S100A7A: variants seen among roughly 807,000 people sequenced by gnomAD.
S100A7A encodes protein S100-A7A.
Under a neutral mutation model 4.0 loss-of-function variants are expected in S100A7A, and 5 were observed. The observed-to-expected ratio is 1.26, with a 90% CI of 0.66 to 2.66. The LOEUF (loss-of-function observed/expected upper bound fraction) is 2.66. S100A7A is among the 30% of genes most tolerant of loss of function. The pLI is 0.01. For synonymous variants in S100A7A, 52 were observed against 46.4 expected (o/e 1.12, Z -0.49); for missense variants, 159 against 125.1 (o/e 1.27, Z -1.29).
chr1:153,423,047 C>T lies in S100A7A; in HGVS notation c.*3738C>T, dbSNP rs1336945647. ...TTTTTAACTAAGTGTGAGATAATAT[C>T]TTATTGTTTTTGTAACTTGCATTTT... On this transcript the variant is annotated 3_prime_UTR_variant, in exon 3 of 3. Coordinates refer to ENST00000368729, the MANE Select transcript of S100A7A (RefSeq NM_176823.4). 6.6e-6 allele frequency: 1 copy of T among 151,954 alleles called. No individual in the cohort carries two copies. Among genetic ancestry groups the T allele is most frequent in the African/African-American group, 2.4e-5 (1 of 41,380 alleles). The allele number at this position is 151,954 out of a possible 1,614,324, so 9.4% of individuals were successfully genotyped here.
chr1:153,417,482 G>A (rs1468951840), intron 1 of S100A7A, among the ~76,000 whole-genome samples: 15 of 152,240 alleles, frequency 9.9e-5, no homozygotes, highest in African/African-American at 2.6e-4. Flanking sequence ...CCCTGTCCTC[G>A]GGAGAGGGCT....
At position 153,419,594 on chromosome 1, in the gene S100A7A, A is replaced by G. The variant is rs1205714772; in HGVS notation, c.*285A>G. On this transcript the variant is annotated 3_prime_UTR_variant, in exon 3 of 3. Transcript: ENST00000368729. ...GTTCCCTAAATGCAGCCACCTTGGC[A>G]GGTTCCAGGTGGAAGTTGGTAGAAG... is the stretch of plus-strand genomic sequence containing the variant. The G allele has an allele frequency of 4.8e-6, 2 of 417,716 alleles. No homozygotes were observed. Among genetic ancestry groups the G allele is most frequent in the Non-Finnish European group, 8.6e-6 (2 of 233,582 alleles). 25.9% of individuals were successfully genotyped at this position (417,716 alleles called of 1,614,324 possible).
In S100A7A at chr1:153,419,028, G is replaced by A. The variant is rs12063379; in HGVS notation, c.142-117G>A. ...ACTCACCCTGTGCTCTCAGCCCCAC[G>A]ACCATGCCTGTGCAGATCTAGGTAC... On this transcript the variant is annotated intron_variant, in intron 2 of 2. Transcript: ENST00000368729. The A allele has an allele frequency of 1.9e-5, 21 of 1,110,394 alleles. No individual in the cohort carries two copies. In the Middle Eastern group the frequency reaches 6.2e-4, roughly 33 times the overall value. 68.8% of individuals were successfully genotyped at this position (1,110,394 alleles called of 1,614,324 possible).
rs577608718 is a variant in S100A7A at position 153,418,013 on chromosome 1, T to A, written c.-17-53T>A. On this transcript the variant is annotated intron_variant, in intron 1 of 2. Transcript: ENST00000368729. ...CAGCCCTCCTTCTAACACCCCCACA[T>A]AGAGACCTTAATTCAAACTAAGGTA... 145 of 1,600,500 alleles carry A rather than the reference T, an allele frequency of 9.1e-5. No homozygotes were observed. The South Asian group carries it at 1.5e-3, about 16-fold the overall frequency.
At position 153,422,763 on chromosome 1, in the gene S100A7A, G is replaced by A. The variant is rs192436769; in HGVS notation, c.*3454G>A. ...TCTTATGTTCCCCCACATGCAGGTG[G>A]TTTTTCAGTAGGCTCCTGAAGAGTG... On this transcript the variant is annotated 3_prime_UTR_variant, in exon 3 of 3. Coordinates refer to ENST00000368729, the MANE Select transcript of S100A7A (RefSeq NM_176823.4). The A allele has an allele frequency of 6.6e-6, 1 of 152,576 alleles. No homozygotes were observed. The highest frequency in any genetic ancestry group is 1.5e-5 in the Non-Finnish European group (1 of 68,314). The allele number at this position is 152,576 out of a possible 1,614,324, so 9.5% of individuals were successfully genotyped here. A position where few individuals can be genotyped will look rare whatever the true frequency, so the allele number is the denominator to read the frequency against.
At chr1:153,418,787 G>A (rs996367382) in intron 2 of S100A7A, among the ~76,000 whole-genome samples, 5 of 152,136 alleles carry the variant, frequency 3.3e-5, no homozygotes, top group African/African-American at 1.2e-4. Context: ...AAAGCATGAG[G>A]GCCAATTTTG....
In S100A7A at chr1:153,422,487, G is replaced by C; in HGVS notation, c.*3178G>C. The C allele has an allele frequency of 1.0e-6, 1 of 982,624 alleles. No homozygotes were observed. The highest frequency in any genetic ancestry group is 1.7e-5 in the African/African-American group (1 of 57,286). The allele number at this position is 982,624 out of a possible 1,614,324, so 60.9% of individuals were successfully genotyped here. A position where few individuals can be genotyped will look rare whatever the true frequency, so the allele number is the denominator to read the frequency against. On this transcript the variant is annotated 3_prime_UTR_variant, in exon 3 of 3. Transcript: ENST00000368729. ...ACATTATATTGGTACTAAAGAGAAAGAATACTTGACAGCTCTATGCCCACA... is the reference window on the plus strand; with the variant it reads ...ACATTATATTGGTACTAAAGAGAAACAATACTTGACAGCTCTATGCCCACA...
rs893120538 is a variant in S100A7A, at chr1:153,420,571, TCCACAC to T, written c.*1263_*1268del. ...TTGTTCTTTGGAATGACTGCTCCAC[TCCACAC>T]TCACACCTCTATTCACAGACCAGCA... On this transcript the variant is annotated 3_prime_UTR_variant, in exon 3 of 3. Transcript: ENST00000368729. 1 of 152,274 alleles carries T rather than the reference TCCACAC, an allele frequency of 6.6e-6. No homozygotes were observed. The highest frequency in any genetic ancestry group is 2.4e-5 in the African/African-American group (1 of 41,432). The allele number at this position is 152,274 out of a possible 1,614,324, so 9.4% of individuals were successfully genotyped here.
Position 153,419,388 on chromosome 1 carries a change from C to G in S100A7A, c.*79C>G. ...CCACCAGACACTTGCCTTATTTCTTCTTCTCTTTGGTGACCTACATTGTCA... is the reference window on the plus strand; with the variant it reads ...CCACCAGACACTTGCCTTATTTCTTGTTCTCTTTGGTGACCTACATTGTCA... On this transcript the variant is annotated 3_prime_UTR_variant, in exon 3 of 3. Coordinates refer to ENST00000368729, the MANE Select transcript of S100A7A (RefSeq NM_176823.4). 1.4e-6 allele frequency: 2 copies of G among 1,469,272 alleles called. No individual in the cohort carries two copies. The highest frequency in any genetic ancestry group is 1.8e-6 in the Non-Finnish European group (2 of 1,082,232). The allele number at this position is 1,469,272 out of a possible 1,614,324, so 91.0% of individuals were successfully genotyped here. A position where few individuals can be genotyped will look rare whatever the true frequency, so the allele number is the denominator to read the frequency against.
chr1:153,417,726 G>T (rs61803119), intron 1 of S100A7A, among the ~76,000 whole-genome samples: 15,892 of 152,168 alleles, frequency 0.1, 852 homozygotes, highest in Middle Eastern at 0.13. Flanking sequence ...AGTGGGGTCC[G>T]CCATGTGCTG....
At chr1:153,417,757 G>T (rs1229084507) in intron 1 of S100A7A, among the ~76,000 whole-genome samples, 1 of 152,206 alleles carries the variant, frequency 6.6e-6, no homozygotes, top group Non-Finnish European at 1.5e-5. Flanking sequence ...GGGGGTCCCA[G>T]CTTAGTTCTT....
chr1:153,419,155 G>C lies in S100A7A; in HGVS notation c.152G>C (p.Gly51Ala). The stretch of plus-strand genomic sequence containing the variant: ...TTTTTCTCTTCACAGGACAAAAAGG[G>C]CATACATTACCTCGCCACTGTCTTT... The part of the protein sequence containing the change: ...PNFLSACDKK[G>A]IHYLATVFEK... The change falls in exon 3 of 3, where the codon GGC (glycine) becomes GCC (alanine). Residue 51 changes from glycine to alanine, a missense_variant. Transcript: ENST00000368729. The C allele has an allele frequency of 1.9e-6, 3 of 1,613,896 alleles. No individual in the cohort carries two copies. The highest frequency in any genetic ancestry group is 2.5e-6 in the Non-Finnish European group (3 of 1,179,950).
At chr1:153,418,320 G>C in intron 2 of S100A7A, 97 bp downstream of exon 2, 1 of 1,509,266 alleles carries the variant, frequency 6.6e-7, no homozygotes, top group Non-Finnish European at 9.0e-7. Context: ...CTCATCCTCT[G>C]ATTAAAAAGT....
chr1:153,417,194 A>C (rs914302068), intron 1 of S100A7A: 2 of 152,296 alleles, frequency 1.3e-5, no homozygotes, highest in Non-Finnish European at 2.9e-5. Flanking sequence ...AAAGTGTAGA[A>C]ATGAGAGCTG....
intron 2 of S100A7A, among the ~76,000 whole-genome samples, chr1:153,418,824 C>A (rs1404521885): frequency 6.6e-6 from 1 of 152,166 alleles, no homozygotes; most frequent in Non-Finnish European, 1.5e-5. Context: ...CTAAGGTAGG[C>A]AGTGCCCTTA....
In S100A7A at chr1:153,418,058, T is replaced by C. The variant is rs189928381; in HGVS notation, c.-17-8T>C. On this transcript the variant is annotated splice_region_variant and splice_polypyrimidine_tract_variant and intron_variant, in intron 1 of 2. Coordinates refer to ENST00000368729, the MANE Select transcript of S100A7A (RefSeq NM_176823.4). ...AAGGTAAGAAATGATTGTCTTTATTTCCTGAAGGCTTTTTGAAAGCAAAGA... is the reference window on the plus strand; with the variant it reads ...AAGGTAAGAAATGATTGTCTTTATTCCCTGAAGGCTTTTTGAAAGCAAAGA... 2.6e-4 allele frequency: 423 copies of C among 1,612,984 alleles called. No homozygotes were observed. In the African/African-American group the frequency reaches 4.5e-3, roughly 17 times the overall value.
In S100A7A at chr1:153,419,558, G is replaced by C. The variant is rs1662840701; in HGVS notation, c.*249G>C. 1 of 510,858 alleles carries C rather than the reference G, an allele frequency of 2.0e-6. No homozygotes were observed. Among genetic ancestry groups the C allele is most frequent in the South Asian group, 3.2e-5 (1 of 30,838 alleles). 31.6% of individuals were successfully genotyped at this position (510,858 alleles called of 1,614,324 possible). A position where few individuals can be genotyped will look rare whatever the true frequency, so the allele number is the denominator to read the frequency against. ...GCCTCTCACACAGGTCCTGGTGTCTGCCTCTGCACCGTTCCCTAAATGCAG... is the reference window on the plus strand; with the variant it reads ...GCCTCTCACACAGGTCCTGGTGTCTCCCTCTGCACCGTTCCCTAAATGCAG... On this transcript the variant is annotated 3_prime_UTR_variant, in exon 3 of 3. Coordinates refer to ENST00000368729, the MANE Select transcript of S100A7A (RefSeq NM_176823.4).
chr1:153,417,805 T>C (rs372134892), intron 1 of S100A7A: 102 of 366,950 alleles, frequency 2.8e-4, no homozygotes, highest in South Asian at 4.1e-4. Flanking sequence ...CTGCTTCTCC[T>C]TCTCTGAAGC....
Position 153,422,576 on chromosome 1 carries a change from T to G in S100A7A, c.*3267T>G. ...CAAATGTTCCCCAGAAATTCTGATA[T>G]CAAAACATTCCAATAACTTTTTTTT... On this transcript the variant is annotated 3_prime_UTR_variant, in exon 3 of 3. Transcript: ENST00000368729. The G allele has an allele frequency of 1.0e-6, 1 of 978,976 alleles. No homozygotes were observed. Among genetic ancestry groups the G allele is most frequent in the Non-Finnish European group, 1.2e-6 (1 of 824,158 alleles). 60.6% of individuals were successfully genotyped at this position (978,976 alleles called of 1,614,324 possible).
Sources: gnomAD v4.1 joint callset for allele counts (sites outside exome capture counted in the v4.1 genomes callset) on GRCh38, gnomAD v4.1.1 for gene constraint, MANE v1.5 for transcripts, NCBI Gene and HGNC (gene_info 2026-07-23, HGNC 2026-07-21) for gene names.